The following CHST9 variants were observed in gnomAD, a reference collection of about 807,000 sequenced individuals.
CHST9 encodes carbohydrate sulfotransferase 9, also known as GalNAc-4-sulfotransferase 2.
CHST9 carries 41 observed loss-of-function variants against 44.4 expected under a neutral mutation model. The observed-to-expected ratio is 0.92, with a 90% CI of 0.72 to 1.20. The LOEUF is 1.20. CHST9 is among the 50% of genes most tolerant of loss of function. The pLI is 0.00. For synonymous variants in CHST9, 171 were observed against 178.4 expected, an observed-to-expected ratio of 0.96 and a Z score of 0.33; for missense variants, 504 against 516.5, an observed-to-expected ratio of 0.98 and a Z score of 0.23.
chr18:27,120,983 C>T (rs896605976), intron 2 of CHST9, among the ~76,000 whole-genome samples: 1 of 151,992 alleles, frequency 6.6e-6, no homozygotes, highest in African/African-American at 2.4e-5. Context: ...ATATCAGCTA[C>T]AGTTTTTTTG....
At chr18:26,993,620 A>C (rs938589319) in intron 4 of CHST9, among the ~76,000 whole-genome samples, 3 of 152,244 alleles carry the variant, frequency 2.0e-5, no homozygotes, top group Admixed American at 2.0e-4. Context: ...AACTAAAGAA[A>C]GAAAACCAGA....
chr18:27,175,155 G>A (rs1393110595), intron 1 of CHST9, among the ~76,000 whole-genome samples: 1 of 151,746 alleles, frequency 6.6e-6, no homozygotes, highest in Non-Finnish European at 1.5e-5. Context: ...TTATAACATA[G>A]ACTTTTATAT....
At chr18:27,076,345 G>A (rs111607311) in intron 2 of CHST9, among the ~76,000 whole-genome samples, 11 of 152,306 alleles carry the variant, frequency 7.2e-5, no homozygotes, top group African/African-American at 2.2e-4. Flanking sequence ...ATGTGTGTGT[G>A]TAAGTGTATG....
rs2055374987 is a variant in CHST9 at position 26,906,513 on chromosome 18, A to G, written c.*9746T>C. Reference sequence around the variant, plus strand: ...AATCAATGGTTTTATTTTATTGAGCACTTATTAAATACTTTACATGCATTT... The same window carrying G: ...AATCAATGGTTTTATTTTATTGAGCGCTTATTAAATACTTTACATGCATTT... On this transcript the variant is annotated 3_prime_UTR_variant, in exon 6 of 6. Coordinates refer to ENST00000618847, the MANE Select transcript of CHST9 (RefSeq NM_031422.6). 1 of 152,210 alleles carries G rather than the reference A, an allele frequency of 6.6e-6. No homozygotes were observed. The highest frequency in any genetic ancestry group is 2.1e-4 in the South Asian group (1 of 4,828). The allele number at this position is 152,210 out of a possible 1,614,324, so 9.4% of individuals were successfully genotyped here. A position where few individuals can be genotyped will look rare whatever the true frequency, so the allele number is the denominator to read the frequency against.
At chr18:27,041,021 A>G (rs1165413682) in intron 3 of CHST9, among the ~76,000 whole-genome samples, 1 of 152,164 alleles carries the variant, frequency 6.6e-6, no homozygotes, top group South Asian at 2.1e-4. Flanking sequence ...GTCATGTCAC[A>G]TAAGAGTGTA....
Position 27,051,516 on chromosome 18 carries a change from A to G in CHST9, c.122-3013T>C, listed in dbSNP as rs1276277573. Among the ~76,000 whole-genome samples, 4 of 152,302 alleles carry G rather than the reference A, an allele frequency of 2.6e-5. No homozygotes were observed. The East Asian group carries it at 7.7e-4, about 29-fold the overall frequency. ...TAATATGTTGTGAGGACACTCAAGC[A>G]GGCCTATGGAGAGGTCCATGTGGCA... On this transcript the variant is annotated intron_variant, in intron 2 of 5. Coordinates refer to ENST00000618847, the MANE Select transcript of CHST9 (RefSeq NM_031422.6).
At chr18:26,925,306 AGG>A (rs370066224) in intron 5 of CHST9, among the ~76,000 whole-genome samples, 64,231 of 151,664 alleles carry the variant, frequency 0.42, 14,083 homozygotes, top group East Asian at 0.7. Flanking sequence ...TTAATAGACT[AGG>A]GGGCATGGAG....
chr18:27,119,835 A>T lies in CHST9; in HGVS notation c.121+22854T>A, dbSNP rs77734855. 1.1e-4 allele frequency among the ~76,000 whole-genome samples: 17 copies of T among 152,270 alleles called. No homozygotes were observed. In the East Asian group the frequency reaches 3.3e-3, roughly 29 times the overall value. ...TCATTCACTCAACAGAGAATGAACCAATGTTAAGTAAGGGTCAGGCACAGT... is the reference window on the plus strand; with the variant it reads ...TCATTCACTCAACAGAGAATGAACCTATGTTAAGTAAGGGTCAGGCACAGT... On this transcript the variant is annotated intron_variant, in intron 2 of 5. Transcript: ENST00000618847.
In CHST9 at chr18:26,955,315, AG is replaced by A. The variant is rs768628681; in HGVS notation, c.203-10950del. Among the ~76,000 whole-genome samples, 3 of 151,892 alleles carry A rather than the reference AG, an allele frequency of 2.0e-5. No individual in the cohort carries two copies. In the East Asian group the frequency reaches 5.8e-4, roughly 29 times the overall value. On this transcript the variant is annotated intron_variant, in intron 4 of 5. Transcript: ENST00000618847. ...CTCCAAATTATGGGAATTGAGGGGA[AG>A]GACTGAGAGTTAATTCTACATAACT...
At chr18:26,952,121 GAC>G (rs2056256598) in intron 4 of CHST9, 1 of 472,750 alleles carries the variant, frequency 2.1e-6, no homozygotes, top group Non-Finnish European at 4.1e-6. Flanking sequence ...AAGCCACTTA[GAC>G]ATTCTTGTTT....
intron 4 of CHST9, among the ~76,000 whole-genome samples, chr18:27,021,329 T>C (rs1259233697): frequency 6.6e-6 from 1 of 152,096 alleles, no homozygotes; most frequent in Non-Finnish European, 1.5e-5. Flanking sequence ...CTCACTTACT[T>C]GACAACAACA....
intron 2 of CHST9, among the ~76,000 whole-genome samples, chr18:27,104,395 A>G (rs1011490971): frequency 1.3e-5 from 2 of 152,116 alleles, no homozygotes; most frequent in Admixed American, 6.5e-5. Context: ...ATGGGTAGAA[A>G]TTTTTTTCAG....
chr18:27,142,875 G>C lies in CHST9; in HGVS notation c.-66C>G, dbSNP rs28693844. On this transcript the variant is annotated 5_prime_UTR_variant, in exon 2 of 6. Coordinates refer to ENST00000618847, the MANE Select transcript of CHST9 (RefSeq NM_031422.6). ...TCCCGTAAAACTTCAGTCTTTTCTT[G>C]TTCTCTAAGAGCCCAATTCCATAAA... is the stretch of plus-strand genomic sequence containing the variant. The C allele has an allele frequency of 2.0e-6, 3 of 1,491,352 alleles. No individual in the cohort carries two copies. In the African/African-American group the frequency reaches 4.2e-5, roughly 21 times the overall value. The allele number at this position is 1,491,352 out of a possible 1,614,324, so 92.4% of individuals were successfully genotyped here.
chr18:27,142,521 T>C (rs1437360223), intron 2 of CHST9, among the ~76,000 whole-genome samples, 168 bp downstream of exon 2: 1 of 152,138 alleles, frequency 6.6e-6, no homozygotes, highest in Non-Finnish European at 1.5e-5. Context: ...CCTACCAGAG[T>C]TGTATAATTT....
intron 4 of CHST9, among the ~76,000 whole-genome samples, chr18:26,975,419 GC>G (rs948812593): frequency 1.3e-5 from 2 of 151,468 alleles, no homozygotes; most frequent in African/African-American, 2.4e-5. Context: ...TCATTGTCTG[GC>G]CCCTCCCACT....
chr18:27,057,348 C>A (rs2057668462), intron 2 of CHST9, among the ~76,000 whole-genome samples: 1 of 152,180 alleles, frequency 6.6e-6, no homozygotes, highest in Admixed American at 6.5e-5. Context: ...TAGAAGTCTA[C>A]ATAAAACTGT....
At position 27,152,701 on chromosome 18, in the gene CHST9, T is replaced by C. The variant is rs180766092; in HGVS notation, c.-96-9796A>G. 5.5e-4 allele frequency among the ~76,000 whole-genome samples: 84 copies of C among 152,298 alleles called. 1 individual carries two copies. The highest frequency in any genetic ancestry group is 1.0e-3 in the Non-Finnish European group (68 of 68,016). ...AGTAACATGTAAGGTACATCTGGAC[T>C]CAAATTATAATTTATTAAAGAGACC... On this transcript the variant is annotated intron_variant, in intron 1 of 5. Transcript: ENST00000618847.
intron 5 of CHST9, among the ~76,000 whole-genome samples, chr18:26,926,491 C>A (rs2055770062): frequency 6.6e-6 from 1 of 152,192 alleles, no homozygotes; most frequent in East Asian, 1.9e-4. Flanking sequence ...TAAGGCTACT[C>A]CCCAAGGGGT....
chr18:27,034,080 C>T (rs552991666), intron 3 of CHST9, among the ~76,000 whole-genome samples: 1 of 152,338 alleles, frequency 6.6e-6, no homozygotes, highest in South Asian at 2.1e-4. Context: ...ATCCAAGAAG[C>T]ATCATTGCTT....
Sources: allele counts gnomAD v4.1 joint callset (sites outside exome capture counted in the v4.1 genomes callset), GRCh38; gene constraint gnomAD v4.1.1; transcripts MANE v1.5; gene names NCBI Gene and HGNC (gene_info 2026-07-23, HGNC 2026-07-21).